Variants in TGFB2 observed in about 807,000 individuals in gnomAD.
TGFB2 encodes the protein transforming growth factor beta-2 proprotein.
Under a neutral mutation model 42.7 loss-of-function variants are expected in TGFB2, and 13 were observed. The ratio of observed to expected loss-of-function variants is 0.30; its 90% confidence interval spans 0.20 to 0.48. TGFB2 has a LOEUF of 0.48. TGFB2 is among the 20% of genes least tolerant of loss of function. TGFB2 has a pLI of 0.99. For missense variants in TGFB2, 390 were observed against 517.5 expected (o/e 0.75, Z 2.39); for synonymous variants, 193 against 193.6 (o/e 1.00, Z 0.03).
chr1:218,394,139 G>A (rs1339588513), intron 1 of TGFB2, among the ~76,000 whole-genome samples: 1 of 152,074 alleles, frequency 6.6e-6, no homozygotes, highest in Non-Finnish European at 1.5e-5. Flanking sequence ...TCGATCTCCT[G>A]ACCTCGTGAT....
At chr1:218,385,693 C>A (rs1347104210) in intron 1 of TGFB2, among the ~76,000 whole-genome samples, 1 of 152,140 alleles carries the variant, frequency 6.6e-6, no homozygotes, top group Non-Finnish European at 1.5e-5. Context: ...CTAGTGTGTC[C>A]TTCAAAACCA....
chr1:218,433,790 G>C (rs975162317), intron 2 of TGFB2, among the ~76,000 whole-genome samples: 1 of 152,200 alleles, frequency 6.6e-6, no homozygotes, highest in Non-Finnish European at 1.5e-5. Context: ...ATCTTGCAAA[G>C]CTTATGTCAG....
At chr1:218,382,903 C>T (rs1658010631) in intron 1 of TGFB2, among the ~76,000 whole-genome samples, 2 of 152,154 alleles carry the variant, frequency 1.3e-5, no homozygotes, top group Non-Finnish European at 2.9e-5. Context: ...ATTTTAAGCA[C>T]TGGTGGTCTA....
chr1:218,359,459 C>T (rs1034492574), intron 1 of TGFB2, among the ~76,000 whole-genome samples: 2 of 152,128 alleles, frequency 1.3e-5, no homozygotes, highest in Admixed American at 6.5e-5. Context: ...ATGAGGTGAC[C>T]GGTGCTAGTT....
intron 2 of TGFB2, among the ~76,000 whole-genome samples, chr1:218,433,100 A>T (rs1659862086): frequency 1.3e-5 from 2 of 151,890 alleles, no homozygotes; most frequent in Admixed American, 1.3e-4. Flanking sequence ...AGGCAATCCC[A>T]CTCTGTCACC....
At chr1:218,425,741 CT>C (rs1301778292) in intron 2 of TGFB2, among the ~76,000 whole-genome samples, 2 of 152,312 alleles carry the variant, frequency 1.3e-5, no homozygotes, top group East Asian at 3.9e-4. Context: ...GACGACCTTT[CT>C]CATTAAATAG....
intron 1 of TGFB2, among the ~76,000 whole-genome samples, chr1:218,403,798 A>G (rs548229781): frequency 1.3e-5 from 2 of 152,216 alleles, no homozygotes; most frequent in Non-Finnish European, 2.9e-5. Flanking sequence ...GATTATTTGT[A>G]ATGAAGTCAG....
At chr1:218,430,288 C>T (rs901246097) in intron 2 of TGFB2, among the ~76,000 whole-genome samples, 19 of 151,744 alleles carry the variant, frequency 1.3e-4, no homozygotes, top group African/African-American at 3.9e-4. Context: ...CCAGCTACTC[C>T]GGAGTCTGAG....
chr1:218,373,028 A>G (rs1230557763), intron 1 of TGFB2, among the ~76,000 whole-genome samples: 1 of 151,874 alleles, frequency 6.6e-6, no homozygotes, highest in South Asian at 2.1e-4. Flanking sequence ...AATACAAAAA[A>G]TTAGCTAGGA....
At chr1:218,408,953 T>C (rs1659005887) in intron 2 of TGFB2, among the ~76,000 whole-genome samples, 2 of 152,318 alleles carry the variant, frequency 1.3e-5, no homozygotes, top group South Asian at 4.1e-4. Flanking sequence ...CCTGCAACTA[T>C]ATATGGTCCC....
At chr1:218,428,535 A>G (rs943193553) in intron 2 of TGFB2, among the ~76,000 whole-genome samples, 16 of 151,452 alleles carry the variant, frequency 1.1e-4, no homozygotes, top group Admixed American at 7.9e-4. Context: ...AAGGGATCCA[A>G]TTTCAGCTTT....
At chr1:218,435,467 GGTGACTTCT>G (rs1659941144) in intron 4 of TGFB2, among the ~76,000 whole-genome samples, 1 of 152,114 alleles carries the variant, frequency 6.6e-6, no homozygotes, top group South Asian at 2.1e-4. Context: ...ATTAGGTAAG[GGTGACTTCT>G]GTTTCACTTG....
At chr1:218,374,553 T>C (rs556436125) in intron 1 of TGFB2, among the ~76,000 whole-genome samples, 2 of 152,316 alleles carry the variant, frequency 1.3e-5, no homozygotes, top group Non-Finnish European at 2.9e-5. Flanking sequence ...AACATAGCAA[T>C]ATTAGTAGGC....
rs10482817 is a variant in TGFB2, at chr1:218,436,274, C to T, written c.932+127C>T. The T allele has an allele frequency of 5.7e-4, 479 of 835,776 alleles. 5 individuals are homozygous for T. In the African/African-American group the frequency reaches 7.3e-3, roughly 13 times the overall value. 51.8% of individuals were successfully genotyped at this position (835,776 alleles called of 1,614,324 possible). A position where few individuals can be genotyped will look rare whatever the true frequency, so the allele number is the denominator to read the frequency against. On this transcript the variant is annotated intron_variant, in intron 5 of 6. Transcript: ENST00000366930. ...TAAGGCCAGATAGAGTGCAGTACAG[C>T]TCCTGTGTCTCATAATACCATTCTT...
At chr1:218,428,685 A>G (rs1571896081) in intron 2 of TGFB2, among the ~76,000 whole-genome samples, 1 of 152,124 alleles carries the variant, frequency 6.6e-6, no homozygotes, top group East Asian at 1.9e-4. Context: ...GTTCTGTTCC[A>G]TTGATCTATA....
Position 218,405,314 on chromosome 1 carries a change from A to G in TGFB2, c.492A>G (p.Gln164=). The G allele has an allele frequency of 6.2e-7, 1 of 1,614,086 alleles. No individual in the cohort carries two copies. The highest frequency in any genetic ancestry group is 8.5e-7 in the Non-Finnish European group (1 of 1,180,024). The change falls in exon 2 of 7, where the codon CAA becomes CAG. Residue 164 remains glutamine (Q), a synonymous_variant. Transcript: ENST00000366930. ...LQNPKARVPE[Q]RIELYQILKS... ...ACCCAAAAGCCAGAGTGCCTGAACA[A>G]CGGATTGAGCTATATCAGGTAATGT...
chr1:218,352,138 C>T (rs1656888076), intron 1 of TGFB2, among the ~76,000 whole-genome samples: 1 of 150,492 alleles, frequency 6.6e-6, no homozygotes, highest in Non-Finnish European at 1.5e-5. Context: ...CCCCACCCCA[C>T]CCCGCCCCAT....
At chr1:218,420,506 T>C (rs1362550122) in intron 2 of TGFB2, among the ~76,000 whole-genome samples, 1 of 152,214 alleles carries the variant, frequency 6.6e-6, no homozygotes, top group East Asian at 1.9e-4. Flanking sequence ...TACTTGTTTA[T>C]GCACATGTGC....
chr1:218,382,323 G>A (rs944611830), intron 1 of TGFB2, among the ~76,000 whole-genome samples: 1 of 152,110 alleles, frequency 6.6e-6, no homozygotes, highest in African/African-American at 2.4e-5. Flanking sequence ...CTTTGGTTGA[G>A]TCTCACCCAA....
Sources: gnomAD v4.1 joint callset for allele counts (sites outside exome capture counted in the v4.1 genomes callset) on GRCh38, gnomAD v4.1.1 for gene constraint, MANE v1.5 for transcripts, NCBI Gene and HGNC (gene_info 2026-07-23, HGNC 2026-07-21) for gene names.